Variants in ACER2 observed in about 807,000 individuals in gnomAD.
ACER2 encodes the protein alkCDase 2.
ACER2 carries 26 observed loss-of-function variants against 34.7 expected under a neutral mutation model. The observed-to-expected ratio is 0.75, with a 90% CI of 0.55 to 1.04. The LOEUF is 1.04. ACER2 is among the 50% of genes least tolerant of loss of function. The pLI is 0.00. For missense variants in ACER2, 352 were observed against 340.8 expected (o/e 1.03, Z -0.26); for synonymous variants, 138 against 132.1 (o/e 1.04, Z -0.31).
In ACER2 at chr9:19,423,868, A is replaced by T; in HGVS notation, c.115A>T (p.Asn39Tyr). The change falls in exon 2 of 6, where the codon AAT (asparagine) becomes TAT (tyrosine). Residue 39 changes from asparagine (N) to tyrosine (Y), a missense_variant. By Grantham distance (143) the Asn-to-Tyr change is moderately radical. Transcript: ENST00000340967. ...TTACATTTTTTTCCTGCAGATCAGCAATGTCTTATTTTTCATTTTACCGCC... is the reference window on the plus strand; with the variant it reads ...TTACATTTTTTTCCTGCAGATCAGCTATGTCTTATTTTTCATTTTACCGCC... ...AIAEFYNTIS[N>Y]VLFFILPPIC... 3 of 1,612,952 alleles carry T rather than the reference A, an allele frequency of 1.9e-6. No homozygotes were observed. The highest frequency in any genetic ancestry group is 2.5e-6 in the Non-Finnish European group (3 of 1,179,066).
intron 3 of ACER2, among the ~76,000 whole-genome samples, chr9:19,426,332 TTCTG>T (rs1262874017): frequency 1.6e-4 from 24 of 149,800 alleles, no homozygotes; most frequent in South Asian, 4.3e-4. Flanking sequence ...TTTTCTTTCT[TTCTG>T]TCTTTGTCTT....
In ACER2 at chr9:19,444,156, AAAAAAAAAAAAAGAAAAG is replaced by A. The variant is rs1831256400; in HGVS notation, c.504-2113_504-2096del. Among the ~76,000 whole-genome samples the A allele has an allele frequency of 3.8e-4, 6 of 15,678 alleles. No individual in the cohort carries two copies. The South Asian group carries it at 9.3e-3, about 24-fold the overall frequency. 10.3% of individuals were successfully genotyped at this position (15,678 alleles called of 152,430 possible). On this transcript the variant is annotated intron_variant, in intron 4 of 5. Coordinates refer to ENST00000340967, the MANE Select transcript of ACER2 (RefSeq NM_001010887.3). The stretch of plus-strand genomic sequence containing the variant: ...TACACTAATGATAGCTGATGAGCTA[AAAAAAAAAAAAAGAAAAG>A]AAAAAAAAAAAGAAAGTCGCAAAAA...
chr9:19,447,975 A>C (rs1831421616), intron 5 of ACER2, among the ~76,000 whole-genome samples: 1 of 116,262 alleles, frequency 8.6e-6, no homozygotes, highest in Non-Finnish European at 2.2e-5. Context: ...CTTTTAAAAA[A>C]AATAGCATCA....
chr9:19,434,170 T>C (rs1339621578), intron 3 of ACER2, among the ~76,000 whole-genome samples: 1,872 of 112,650 alleles, frequency 0.017, 34 homozygotes, highest in African/African-American at 0.062. Context: ...ACATCCCAGA[T>C]GATGGGCGGC....
chr9:19,410,331 C>G (rs1478305522), intron 1 of ACER2, among the ~76,000 whole-genome samples: 1 of 152,144 alleles, frequency 6.6e-6, no homozygotes, highest in Admixed American at 6.5e-5. Flanking sequence ...GAAGTCTGGG[C>G]CCTTCCTTCC....
At chr9:19,446,167 G>T in intron 4 of ACER2, 114 bp from the exon 5 acceptor site, 1 of 1,442,446 alleles carries the variant, frequency 6.9e-7, no homozygotes, top group Non-Finnish European at 9.8e-7. Context: ...AAGAACTTCA[G>T]TGTCTTGGGG....
At chr9:19,435,735 G>C (rs1290039157) in intron 4 of ACER2, among the ~76,000 whole-genome samples, 1 of 151,962 alleles carries the variant, frequency 6.6e-6, no homozygotes, top group Non-Finnish European at 1.5e-5. Context: ...CTGGGTGACA[G>C]AGTGAGACTT....
intron 1 of ACER2, among the ~76,000 whole-genome samples, chr9:19,423,523 G>A (rs1563876844): frequency 6.6e-6 from 1 of 152,142 alleles, no homozygotes; most frequent in Non-Finnish European, 1.5e-5. Context: ...CCAACATGGT[G>A]AAACCTCATC....
At chr9:19,443,902 C>T (rs923472433) in intron 4 of ACER2, among the ~76,000 whole-genome samples, 1 of 152,140 alleles carries the variant, frequency 6.6e-6, no homozygotes, top group African/African-American at 2.4e-5. Flanking sequence ...AGTGATCCTC[C>T]CACCTTGGCC....
At chr9:19,412,685 A>G (rs902726358) in intron 1 of ACER2, among the ~76,000 whole-genome samples, 3 of 149,958 alleles carry the variant, frequency 2.0e-5, no homozygotes, top group African/African-American at 7.4e-5. Context: ...ACCAGCATGT[A>G]TGGCGTAATC....
chr9:19,442,902 G>A (rs1474413827), intron 4 of ACER2, among the ~76,000 whole-genome samples: 4 of 151,202 alleles, frequency 2.6e-5, no homozygotes, highest in African/African-American at 4.9e-5. Context: ...GCACTATCTC[G>A]GCTCACTGCA....
At chr9:19,415,351 G>T (rs1311086902) in intron 1 of ACER2, among the ~76,000 whole-genome samples, 1 of 151,946 alleles carries the variant, frequency 6.6e-6, no homozygotes, top group Non-Finnish European at 1.5e-5. Context: ...AATTAGATGG[G>T]CATGATGGCA....
Position 19,450,553 on chromosome 9 carries a change from C to G in ACER2, c.745C>G (p.Pro249Ala), listed in dbSNP as rs771534926. 6.2e-7 allele frequency: 1 copy of G among 1,611,046 alleles called. No homozygotes were observed. The highest frequency in any genetic ancestry group is 8.5e-7 in the Non-Finnish European group (1 of 1,177,712). ...GCAAGGCCCTGTCATCAAGTTCTGG[C>G]CCAATGAGAAATGGGCCTTCATTGG... ...PEQGPVIKFW[P>A]NEKWAFIGVP... The change falls in exon 6 of 6, where the codon CCC becomes GCC. Residue 249 changes from proline (P) to alanine (A), a missense_variant. Physicochemically the swap from Pro to Ala is conservative, Grantham distance 27 (BLOSUM62 -1). Coordinates refer to ENST00000340967, the MANE Select transcript of ACER2 (RefSeq NM_001010887.3).
intron 1 of ACER2, among the ~76,000 whole-genome samples, chr9:19,418,507 G>C (rs7042366): frequency 1 from 151,947 of 152,336 alleles, 75,780 homozygotes; most frequent in Middle Eastern, 1. Flanking sequence ...CCATGGAATA[G>C]TATGCAGCCA....
intron 1 of ACER2, among the ~76,000 whole-genome samples, chr9:19,416,171 C>G (rs575670099): frequency 6.6e-6 from 1 of 151,894 alleles, no homozygotes; most frequent in Non-Finnish European, 1.5e-5. Flanking sequence ...TCTTCACTCC[C>G]TTGATCCGCC....
intron 4 of ACER2, 51 bp from the exon 5 acceptor site, chr9:19,446,230 G>C: frequency 6.2e-7 from 1 of 1,613,974 alleles, no homozygotes; most frequent in Non-Finnish European, 8.5e-7. Flanking sequence ...TGGCCAGCAA[G>C]GAGGTGGAGA....
chr9:19,434,643 C>G (rs1260956287), intron 3 of ACER2, among the ~76,000 whole-genome samples: 1 of 152,234 alleles, frequency 6.6e-6, no homozygotes, highest in Non-Finnish European at 1.5e-5. Context: ...TGTGGCGGTG[C>G]GCGCCTGCAA....
chr9:19,422,949 T>C (rs1223992986), intron 1 of ACER2, among the ~76,000 whole-genome samples: 1 of 151,058 alleles, frequency 6.6e-6, no homozygotes, highest in Non-Finnish European at 1.5e-5. Flanking sequence ...GGAGAATCGC[T>C]TGAACCTGGG....
At chr9:19,444,378 AT>A (rs572653501) in intron 4 of ACER2, among the ~76,000 whole-genome samples, 3 of 151,590 alleles carry the variant, frequency 2.0e-5, no homozygotes, top group East Asian at 1.9e-4. Context: ...CGCCCGACTA[AT>A]TTTTTTGTAT....
Sources: gnomAD v4.1 joint callset for allele counts (sites outside exome capture counted in the v4.1 genomes callset) on GRCh38, gnomAD v4.1.1 for gene constraint, MANE v1.5 for transcripts, NCBI Gene and HGNC (gene_info 2026-07-23, HGNC 2026-07-21) for gene names.